The following PSTPIP1 variants were observed in gnomAD, a reference collection of about 807,000 sequenced individuals.
PSTPIP1 encodes the protein proline-serine-threonine phosphatase interacting protein 1, also known as proline-serine-threonine phosphatase-interacting protein 1.
In PSTPIP1, 66 loss-of-function variants were observed where a neutral mutation model predicts 69.6. The observed-to-expected ratio is 0.95, with a 90% CI of 0.78 to 1.16. The LOEUF is 1.16. PSTPIP1 is among the 50% of genes most tolerant of loss of function. PSTPIP1 has a pLI of 0.00. For synonymous variants in PSTPIP1, 266 were observed against 222.7 expected (o/e 1.19, Z -1.73); for missense variants, 603 against 557.4 (o/e 1.08, Z -0.82).
chr15:76,995,032 G>C, upstream of PSTPIP1: 2 of 1,190,960 alleles, frequency 1.7e-6, no homozygotes, highest in Non-Finnish European at 2.1e-6. Flanking sequence ...GGCAGGAGCA[G>C]GATGGCAGGT....
intron 4 of PSTPIP1, 55 bp from the exon 5 acceptor site, chr15:77,025,443 G>T (rs2076257690): frequency 6.3e-7 from 1 of 1,586,948 alleles, no homozygotes; most frequent in African/African-American, 1.3e-5. Flanking sequence ...AGTTGTGGGT[G>T]GCTGAGGCCC....
Position 77,027,147 on chromosome 15 carries a change from T to C in PSTPIP1, c.355-705T>C, listed in dbSNP as rs1403962771. Among the ~76,000 whole-genome samples, 1 of 152,236 alleles carries C rather than the reference T, an allele frequency of 6.6e-6. No individual in the cohort carries two copies. The highest frequency in any genetic ancestry group is 1.5e-5 in the Non-Finnish European group (1 of 68,040). Reference sequence around the variant, plus strand: ...GTGTGTGTGAGTGCCTGTGCCTCGCTGGTCTCCCAGCTGGCACAGAACCCC... The same window carrying C: ...GTGTGTGTGAGTGCCTGTGCCTCGCCGGTCTCCCAGCTGGCACAGAACCCC... On this transcript the variant is annotated intron_variant, in intron 5 of 14. Coordinates refer to ENST00000558012, the MANE Select transcript of PSTPIP1 (RefSeq NM_003978.5). The surrounding 1 kb of genome is among the most constrained non-coding windows in gnomAD (Gnocchi z 4.3).
chr15:77,018,707 G>C (rs1411165788), intron 3 of PSTPIP1, among the ~76,000 whole-genome samples, 176 bp downstream of exon 3: 2 of 152,136 alleles, frequency 1.3e-5, no homozygotes, highest in African/African-American at 4.8e-5. Flanking sequence ...TTCTGTGAGG[G>C]AGGAAGCCCG....
intron 11 of PSTPIP1, chr15:77,032,648 C>A: frequency 1.6e-6 from 1 of 618,010 alleles, no homozygotes; most frequent in South Asian, 2.0e-5. Context: ...ACGGCCCCCA[C>A]TCCCCGCCTG....
chr15:77,027,810 C>A lies in PSTPIP1; in HGVS notation c.355-42C>A. On this transcript the variant is annotated intron_variant, in intron 5 of 14. Coordinates refer to ENST00000558012, the MANE Select transcript of PSTPIP1 (RefSeq NM_003978.5). The surrounding 1 kb of genome is among the most constrained non-coding windows in gnomAD (Gnocchi z 4.3). ...GTCCTCTTGGCCTAGGGGAGCCTCC[C>A]GAGGCCGCGGCCCTCGGCTCAGAAC... 6.5e-7 allele frequency: 1 copy of A among 1,549,816 alleles called. No homozygotes were observed. The highest frequency in any genetic ancestry group is 1.2e-5 in the South Asian group (1 of 83,878).
intron 1 of PSTPIP1, among the ~76,000 whole-genome samples, chr15:77,010,619 T>G (rs1197532417): frequency 6.6e-6 from 1 of 152,126 alleles, no homozygotes; most frequent in African/African-American, 2.4e-5. Flanking sequence ...TGTTTGCTCC[T>G]TGCCTCCTCT....
At chr15:77,026,240 C>T in intron 5 of PSTPIP1, 2 of 455,354 alleles carry the variant, frequency 4.4e-6, no homozygotes, top group South Asian at 3.1e-5. Context: ...TATAGGTTCC[C>T]TGGAGGGCAG....
chr15:77,001,642 G>A (rs567930727), intron 1 of PSTPIP1, among the ~76,000 whole-genome samples: 101 of 152,368 alleles, frequency 6.6e-4, no homozygotes, highest in African/African-American at 2.3e-3. Flanking sequence ...TCTGTCAGAA[G>A]CAGTGAGGAC....
At chr15:77,029,726 A>T (rs1408030309) in intron 8 of PSTPIP1, among the ~76,000 whole-genome samples, 152 bp downstream of exon 8, 2 of 152,030 alleles carry the variant, frequency 1.3e-5, no homozygotes, top group East Asian at 3.9e-4. Context: ...GTCAAAGTAA[A>T]CGCTGTGTTC....
chr15:76,995,148 G>C lies in PSTPIP1; in HGVS notation c.-426G>C, dbSNP rs1020384496. 4 of 1,181,936 alleles carry C rather than the reference G, an allele frequency of 3.4e-6. No individual in the cohort carries two copies. The African/African-American group carries it at 6.4e-5, about 19-fold the overall frequency. The allele number at this position is 1,181,936 out of a possible 1,614,324, so 73.2% of individuals were successfully genotyped here. A position where few individuals can be genotyped will look rare whatever the true frequency, so the allele number is the denominator to read the frequency against. ...CACAAACCTTCCTGCGCAGGCCTCG[G>C]GCTGCCTGCCTGCCTGCCTGCCTGG... On this transcript the variant is annotated 5_prime_UTR_variant, in exon 1 of 15. Transcript: ENST00000558012.
rs1231429999 is a variant in PSTPIP1 at position 77,029,432 on chromosome 15, G to A, written c.517-97G>A. 4.3e-6 allele frequency: 6 copies of A among 1,409,614 alleles called. No individual in the cohort carries two copies. The Middle Eastern group carries it at 8.8e-4, about 207-fold the overall frequency. The allele number at this position is 1,409,614 out of a possible 1,614,324, so 87.3% of individuals were successfully genotyped here. ...GTTGGCTCCTGAATGTTCCCCCCAG[G>A]GTGGCCGGGGAAGCTTGACAGTCAC... On this transcript the variant is annotated intron_variant, in intron 7 of 14. Transcript: ENST00000558012.
chr15:77,014,411 C>G (rs901625487), intron 1 of PSTPIP1, among the ~76,000 whole-genome samples: 3 of 152,182 alleles, frequency 2.0e-5, no homozygotes, highest in South Asian at 2.1e-4. Flanking sequence ...TGTGAACCCA[C>G]ATCTAGTCAG....
chr15:77,025,966 A>G, intron 5 of PSTPIP1: 1 of 408,876 alleles, frequency 2.4e-6, no homozygotes, highest in Non-Finnish European at 4.9e-6. Flanking sequence ...TCTTGAGTCC[A>G]AGGATCAGGG....
At chr15:77,020,776 C>T (rs1340672716) in intron 3 of PSTPIP1, among the ~76,000 whole-genome samples, 1 of 152,056 alleles carries the variant, frequency 6.6e-6, no homozygotes, top group Non-Finnish European at 1.5e-5. Flanking sequence ...TTGGCTTAGA[C>T]CCAATTACCC....
rs2076049247 is a variant in PSTPIP1, at chr15:77,016,203, C to G, written c.37-1945C>G. On this transcript the variant is annotated intron_variant, in intron 1 of 14. Coordinates refer to ENST00000558012, the MANE Select transcript of PSTPIP1 (RefSeq NM_003978.5). ...CCATTTCCTTCTCTGGCCTCAGTTT[C>G]CTGAGGAGTGAGGGAAGCCGCACAA... Among the ~76,000 whole-genome samples the G allele has an allele frequency of 2.0e-5, 3 of 152,212 alleles. No individual in the cohort carries two copies. The South Asian group carries it at 6.2e-4, about 31-fold the overall frequency.
chr15:77,025,857 G>A (rs955475310), intron 5 of PSTPIP1, among the ~76,000 whole-genome samples: 3 of 152,192 alleles, frequency 2.0e-5, no homozygotes, highest in African/African-American at 2.4e-5. Flanking sequence ...GCTGCCTCAC[G>A]CCTAGGAGGA....
intron 3 of PSTPIP1, among the ~76,000 whole-genome samples, chr15:77,023,408 C>T (rs2076205843): frequency 6.6e-6 from 1 of 152,124 alleles, no homozygotes; most frequent in Admixed American, 6.5e-5. Context: ...GGGCAGAGAG[C>T]AGGGCTGACA....
chr15:76,999,840 C>A (rs775039223), intron 1 of PSTPIP1, among the ~76,000 whole-genome samples: 1 of 152,224 alleles, frequency 6.6e-6, no homozygotes, highest in South Asian at 2.1e-4. Context: ...TATGTCTATC[C>A]AATGGCCTTT....
chr15:77,019,195 G>T (rs909989494), intron 3 of PSTPIP1, among the ~76,000 whole-genome samples: 2 of 152,214 alleles, frequency 1.3e-5, no homozygotes, highest in African/African-American at 4.8e-5. Context: ...CAGGTGAGGA[G>T]ATGAAGGTGA....
Sources: allele counts gnomAD v4.1 joint callset (sites outside exome capture counted in the v4.1 genomes callset), GRCh38; gene constraint gnomAD v4.1.1; non-coding constraint Gnocchi (gnomAD v3.1); transcripts MANE v1.5; gene names NCBI Gene and HGNC (gene_info 2026-07-23, HGNC 2026-07-21).